The following CLEC2L variants were observed in gnomAD, a reference collection of about 807,000 sequenced individuals.
The protein encoded by CLEC2L is C-type lectin domain family 2, member L.
In CLEC2L, 14 loss-of-function variants were observed where a neutral mutation model predicts 23.6. The observed-to-expected ratio is 0.59, with a 90% CI of 0.39 to 0.93. The LOEUF is 0.93. Ranked by LOEUF, CLEC2L falls within the 40% of genes least tolerant of loss-of-function variation. CLEC2L has a pLI of 0.00. For synonymous variants in CLEC2L, 114 were observed against 121.3 expected (o/e 0.94, Z 0.40); for missense variants, 264 against 282.4 (o/e 0.93, Z 0.47).
At chr7:139,525,597 C>T (rs1797495911) in intron 1 of CLEC2L, among the ~76,000 whole-genome samples, 1 of 152,156 alleles carries the variant, frequency 6.6e-6, no homozygotes, top group African/African-American at 2.4e-5. Flanking sequence ...CCCTGTGTTC[C>T]CACGCTTCAC....
Position 139,540,344 on chromosome 7 carries a change from G to A in CLEC2L, c.289G>A (p.Glu97Lys), listed in dbSNP as rs554214130. Residue 97 changes from glutamate (E) to lysine (K), a missense_variant, in exon 3 of 5, where the codon GAA becomes AAA. By Grantham distance (56) the Glu-to-Lys change is moderately conservative. Transcript: ENST00000422142. The surrounding 1 kb of genome is among the most constrained non-coding windows in gnomAD (Gnocchi z 5.8). ...AGCTTCCAAGGGCTGCATCAAGTGC[G>A]AAGCGCCCTGCCCGGAGGACTGGCT... The part of the protein sequence containing the change: ...ILASKGCIKC[E>K]APCPEDWLLY... 1.9e-6 allele frequency: 3 copies of A among 1,611,146 alleles called. No individual in the cohort carries two copies. Among genetic ancestry groups the A allele is most frequent in the Middle Eastern group, 1.7e-4 (1 of 5,810 alleles).
intron 4 of CLEC2L, 116 bp from the exon 5 acceptor site, chr7:139,544,115 T>TC: frequency 1.4e-6 from 1 of 693,876 alleles, no homozygotes; most frequent in Non-Finnish European, 2.5e-6. Flanking sequence ...AGAAGGCAGC[T>TC]CCAGTGATGA....
Position 139,544,635 on chromosome 7 carries a change from T to G in CLEC2L, c.*293T>G. On this transcript the variant is annotated 3_prime_UTR_variant, in exon 5 of 5. Coordinates refer to ENST00000422142, the MANE Select transcript of CLEC2L (RefSeq NM_001080511.4). ...CATAGGTACACGCACGCACAGACGCTGTCCCTTCTGAAGCTCAGTGTCCAT... is the reference window on the plus strand; with the variant it reads ...CATAGGTACACGCACGCACAGACGCGGTCCCTTCTGAAGCTCAGTGTCCAT... 1 of 348,530 alleles carries G rather than the reference T, an allele frequency of 2.9e-6. No individual in the cohort carries two copies. The highest frequency in any genetic ancestry group is 5.3e-6 in the Non-Finnish European group (1 of 187,518). 21.6% of individuals were successfully genotyped at this position (348,530 alleles called of 1,614,324 possible). A position where few individuals can be genotyped will look rare whatever the true frequency, so the allele number is the denominator to read the frequency against.
rs1490611421 is a variant in CLEC2L, at chr7:139,523,803, G to C, written c.-125G>C. The C allele has an allele frequency of 1.8e-6, 1 of 546,554 alleles. No homozygotes were observed. The highest frequency in any genetic ancestry group is 2.3e-6 in the Non-Finnish European group (1 of 430,872). 33.9% of individuals were successfully genotyped at this position (546,554 alleles called of 1,614,324 possible). ...GGCTCAGCCCCGGCCTGCCAGCGCC[G>C]CGGTCCTAGCCCACCCGAGGCCGGC... On this transcript the variant is annotated 5_prime_UTR_variant, in exon 1 of 5. Transcript: ENST00000422142. This position sits in a 1 kb window ranked among gnomAD's most constrained non-coding sequence, Gnocchi z 4.1.
At chr7:139,536,955 C>T (rs930215537) in intron 2 of CLEC2L, among the ~76,000 whole-genome samples, 4 of 120,948 alleles carry the variant, frequency 3.3e-5, no homozygotes, top group Non-Finnish European at 6.3e-5. Flanking sequence ...CCACCCTGGG[C>T]GACAGAGAAA....
intron 1 of CLEC2L, among the ~76,000 whole-genome samples, chr7:139,528,306 A>G (rs1264044406): frequency 6.6e-6 from 1 of 152,216 alleles, no homozygotes; most frequent in Non-Finnish European, 1.5e-5. Flanking sequence ...TCCTTATAAG[A>G]AGATGGTCAC....
At chr7:139,529,109 A>G (rs1190567248) in intron 1 of CLEC2L, among the ~76,000 whole-genome samples, 1 of 150,508 alleles carries the variant, frequency 6.6e-6, no homozygotes, top group Non-Finnish European at 1.5e-5. Context: ...TGAGTAAAGC[A>G]CAGTCCTTAC....
chr7:139,534,981 GAAC>G (rs1797632744), intron 1 of CLEC2L, among the ~76,000 whole-genome samples: 1 of 146,040 alleles, frequency 6.8e-6, no homozygotes. Context: ...AAAAACAAAA[GAAC>G]AACAACAAAA....
At chr7:139,526,890 G>A (rs1475919965) in intron 1 of CLEC2L, among the ~76,000 whole-genome samples, 12 of 152,214 alleles carry the variant, frequency 7.9e-5, no homozygotes, top group Non-Finnish European at 1.6e-4. Context: ...CCCCAAACCT[G>A]AGTCCAGAGT....
At chr7:139,543,160 C>T (rs1290449783) in intron 4 of CLEC2L, among the ~76,000 whole-genome samples, 4 of 152,186 alleles carry the variant, frequency 2.6e-5, no homozygotes, top group Non-Finnish European at 5.9e-5. Context: ...GCCCTGGAGG[C>T]AGGGGCATTC....
At chr7:139,525,204 C>T (rs541506112) in intron 1 of CLEC2L, among the ~76,000 whole-genome samples, 34 of 151,782 alleles carry the variant, frequency 2.2e-4, no homozygotes, top group Non-Finnish European at 4.3e-4. Flanking sequence ...GGTGGGCTTG[C>T]CCTTGGAAGA....
At chr7:139,537,228 G>C (rs189797329) in intron 2 of CLEC2L, among the ~76,000 whole-genome samples, 2 of 152,072 alleles carry the variant, frequency 1.3e-5, no homozygotes, top group Non-Finnish European at 2.9e-5. Context: ...AGAGTGCTAG[G>C]GAGGAAAAAC....
intron 1 of CLEC2L, among the ~76,000 whole-genome samples, chr7:139,525,888 C>T (rs368296319): frequency 1.3e-5 from 2 of 152,188 alleles, no homozygotes; most frequent in South Asian, 4.1e-4. Context: ...GCTGGAAGGT[C>T]ACCCAGAGGC....
At chr7:139,536,162 C>T in intron 1 of CLEC2L, 112 bp from the exon 2 acceptor site, 1 of 784,540 alleles carries the variant, frequency 1.3e-6, no homozygotes. Flanking sequence ...CAACAAAACA[C>T]AGCTTGCTGG....
At chr7:139,542,392 C>G (rs543701393) in intron 4 of CLEC2L, among the ~76,000 whole-genome samples, 48 of 152,316 alleles carry the variant, frequency 3.2e-4, no homozygotes, top group African/African-American at 1.1e-3. Context: ...ACCCTTGAGT[C>G]CCTGATCTGT....
At chr7:139,534,122 G>A in intron 1 of CLEC2L, 2 of 627,124 alleles carry the variant, frequency 3.2e-6, no homozygotes, top group Non-Finnish European at 5.8e-6. Flanking sequence ...TGGAACCCTT[G>A]TCTGTTGCTG....
intron 3 of CLEC2L, among the ~76,000 whole-genome samples, chr7:139,541,598 G>T (rs1470737612): frequency 6.6e-6 from 1 of 152,334 alleles, no homozygotes; most frequent in African/African-American, 2.4e-5. Flanking sequence ...TGCAGGGAAA[G>T]TCCCAGAAAT....
intron 1 of CLEC2L, among the ~76,000 whole-genome samples, chr7:139,527,060 A>G (rs1226745031): frequency 1.3e-5 from 2 of 152,162 alleles, no homozygotes; most frequent in Non-Finnish European, 2.9e-5. Flanking sequence ...CTTTATCACC[A>G]TGTGCCCAAT....
chr7:139,536,949 C>T (rs1204375878), intron 2 of CLEC2L, among the ~76,000 whole-genome samples: 1 of 145,452 alleles, frequency 6.9e-6, no homozygotes, highest in African/African-American at 2.6e-5. Flanking sequence ...CGCACTCCAC[C>T]CTGGGCGACA....
Sources: gnomAD v4.1 joint callset for allele counts (sites outside exome capture counted in the v4.1 genomes callset) on GRCh38, gnomAD v4.1.1 for gene constraint, Gnocchi (gnomAD v3.1) non-coding constraint, MANE v1.5 for transcripts, NCBI Gene and HGNC (gene_info 2026-07-23, HGNC 2026-07-21) for gene names.